The following RYR3 variants were observed in gnomAD, a reference collection of about 807,000 sequenced individuals.
RYR3 encodes brain ryanodine receptor-calcium release channel.
In RYR3, 207 loss-of-function variants were observed where a neutral mutation model predicts 584.3. That is an observed-to-expected ratio of 0.35 (90% CI 0.32 to 0.40). The LOEUF is 0.40. Among genes scored for constraint, RYR3 ranks in the 10% least tolerant of loss-of-function variants. The pLI is 1.00. For missense variants in RYR3, 5,616 were observed against 6,089.2 expected, an observed-to-expected ratio of 0.92 and a Z score of 2.59; for synonymous variants, 2,416 against 2,248.5, an observed-to-expected ratio of 1.07 and a Z score of -2.11.
intron 10 of RYR3, 81 bp downstream of exon 10, chr15:33,550,397 A>G: frequency 7.3e-7 from 1 of 1,364,142 alleles, no homozygotes; most frequent in Non-Finnish European, 9.9e-7. Context: ...TAACTGGAAA[A>G]GAAAGTAGGC....
At chr15:33,811,443 G>T (rs1479193030) in intron 72 of RYR3, among the ~76,000 whole-genome samples, 1 of 151,808 alleles carries the variant, frequency 6.6e-6, no homozygotes, top group Non-Finnish European at 1.5e-5. Flanking sequence ...CCTGGGAGAC[G>T]GAGGTTGTGG....
chr15:33,759,748 T>C (rs1323342464), intron 60 of RYR3, among the ~76,000 whole-genome samples: 1 of 152,156 alleles, frequency 6.6e-6, no homozygotes, highest in Non-Finnish European at 1.5e-5. Context: ...AGAACTCCCC[T>C]AACCTAACAA....
chr15:33,772,025 G>A lies in RYR3; in HGVS notation c.8922G>A (p.Gly2974=). The A allele has an allele frequency of 6.2e-7, 1 of 1,613,706 alleles. No individual in the cohort carries two copies. The highest frequency in any genetic ancestry group is 1.1e-5 in the South Asian group (1 of 90,972). ...LEKTSENLKL[G]KFTHSRTQIK... is the part of the protein sequence containing the mutation. Reference sequence around the variant, plus strand: ...AGACTTCAGAAAACCTGAAACTTGGGAAGTTCACCCATTCCCGAACGCAGA... The same window carrying A: ...AGACTTCAGAAAACCTGAAACTTGGAAAGTTCACCCATTCCCGAACGCAGA... Residue 2974 remains glycine (G), a synonymous_variant, in exon 63 of 104, where the codon GGG becomes GGA. Coordinates refer to ENST00000634891, the MANE Select transcript of RYR3 (RefSeq NM_001036.6).
intron 1 of RYR3, among the ~76,000 whole-genome samples, chr15:33,389,912 G>A (rs1595938936): frequency 6.6e-6 from 1 of 152,150 alleles, no homozygotes; most frequent in East Asian, 1.9e-4. Context: ...TGAATTACAT[G>A]AGAAAATAGC....
chr15:33,486,973 G>A (rs1457967345), intron 2 of RYR3, among the ~76,000 whole-genome samples: 1 of 152,084 alleles, frequency 6.6e-6, no homozygotes, highest in Non-Finnish European at 1.5e-5. Context: ...CGAGGCAGAT[G>A]GATCACATGA....
chr15:33,723,353 A>AAAAT (rs150098512), intron 44 of RYR3, among the ~76,000 whole-genome samples: 5,279 of 152,192 alleles, frequency 0.035, 111 homozygotes, highest in Middle Eastern at 0.11. Flanking sequence ...TTGACTTCTA[A>AAAAT]AAATAAATAA....
At chr15:33,393,349 C>G (rs1465113360) in intron 1 of RYR3, among the ~76,000 whole-genome samples, 1 of 152,124 alleles carries the variant, frequency 6.6e-6, no homozygotes, top group Non-Finnish European at 1.5e-5. Flanking sequence ...ACCTATTGAC[C>G]CTCCTCCCCT....
At chr15:33,583,284 A>T (rs552620292) in intron 14 of RYR3, among the ~76,000 whole-genome samples, 2 of 152,336 alleles carry the variant, frequency 1.3e-5, no homozygotes, top group South Asian at 2.1e-4. Flanking sequence ...TGTTGCTATT[A>T]TTCATCCATT....
intron 16 of RYR3, among the ~76,000 whole-genome samples, chr15:33,589,287 C>T (rs1188429767): frequency 6.6e-6 from 1 of 152,100 alleles, no homozygotes; most frequent in South Asian, 2.1e-4. Context: ...GTCCTTTGCT[C>T]ACTTTTTAAT....
chr15:33,325,770 CTTCCTTCT>C (rs1362263752), intron 1 of RYR3, among the ~76,000 whole-genome samples: 3 of 63,402 alleles, frequency 4.7e-5, no homozygotes, highest in South Asian at 5.7e-4. Context: ...TCCTTCCTTC[CTTCCTTCT>C]TTCTTTTCTT....
intron 12 of RYR3, among the ~76,000 whole-genome samples, chr15:33,572,652 T>TACACAC (rs1491434910): frequency 1.6e-5 from 2 of 122,340 alleles, no homozygotes; most frequent in African/African-American, 8.0e-5. Flanking sequence ...AAAAAAAAAC[T>TACACAC]ATATATACAC....
At chr15:33,843,394 G>A (rs116865821) in intron 91 of RYR3, 94 bp from the exon 92 acceptor site, 12 of 803,322 alleles carry the variant, frequency 1.5e-5, no homozygotes, top group Admixed American at 4.3e-5. Flanking sequence ...AGTCAAGTGT[G>A]AACTTCTAAC....
intron 41 of RYR3, 95 bp from the exon 42 acceptor site, chr15:33,700,882 G>T: frequency 1.2e-6 from 1 of 800,640 alleles, no homozygotes; most frequent in South Asian, 1.8e-5. Flanking sequence ...TGTGTTTGCT[G>T]CCCTCTCCTG....
rs140141959 is a variant in RYR3, at chr15:33,602,569, A to G, written c.1923-554A>G. On this transcript the variant is annotated intron_variant, in intron 17 of 103. Transcript: ENST00000634891. ...AAGGTTTGTAATCTTACAAATCTGT[A>G]TAACATTTCAGCATCGTTGCCCATG... 5.9e-3 allele frequency among the ~76,000 whole-genome samples: 892 copies of G among 152,278 alleles called. 6 individuals are homozygous for G. The highest frequency in any genetic ancestry group is 0.016 in the African/African-American group (684 of 41,564).
intron 8 of RYR3, among the ~76,000 whole-genome samples, chr15:33,545,604 T>A (rs2056179094): frequency 6.6e-6 from 1 of 152,194 alleles, no homozygotes; most frequent in Admixed American, 6.6e-5. Flanking sequence ...CTTGAATCTT[T>A]GTGTCAACTA....
chr15:33,854,990 T>C, intron 98 of RYR3, 78 bp downstream of exon 98: 9 of 1,340,450 alleles, frequency 6.7e-6, no homozygotes, highest in Non-Finnish European at 9.0e-6. Flanking sequence ...GTATACAGTA[T>C]ATGACAGGAA....
chr15:33,537,032 T>A (rs924344286), intron 5 of RYR3, among the ~76,000 whole-genome samples: 3 of 152,220 alleles, frequency 2.0e-5, no homozygotes, highest in African/African-American at 7.2e-5. Flanking sequence ...AACTATCAAA[T>A]CAATATTAAC....
chr15:33,610,118 A>G (rs557786888), intron 18 of RYR3, among the ~76,000 whole-genome samples: 64 of 152,302 alleles, frequency 4.2e-4, no homozygotes, highest in African/African-American at 1.4e-3. Flanking sequence ...CAGGTGGTCC[A>G]AGCTGGATGC....
chr15:33,487,675 C>T (rs1247472206), intron 2 of RYR3, among the ~76,000 whole-genome samples: 1 of 152,138 alleles, frequency 6.6e-6, no homozygotes. Flanking sequence ...GAGAAACTAG[C>T]CTACATCAGG....
Sources: gnomAD v4.1 joint callset for allele counts (sites outside exome capture counted in the v4.1 genomes callset) on GRCh38, gnomAD v4.1.1 for gene constraint, MANE v1.5 for transcripts, NCBI Gene and HGNC (gene_info 2026-07-23, HGNC 2026-07-21) for gene names.